Variants in GPC5 observed in about 807,000 individuals in gnomAD.
GPC5 encodes the protein glypican 5.
Under a neutral mutation model 53.9 loss-of-function variants are expected in GPC5, and 47 were observed. That is an observed-to-expected ratio of 0.87 (90% confidence interval 0.69 to 1.11). GPC5 has a LOEUF of 1.11. GPC5 is among the 50% of genes most tolerant of loss of function. The pLI is 0.00. For synonymous variants in GPC5, 286 were observed against 263.3 expected (o/e 1.09, Z -0.84); for missense variants, 748 against 713.1 (o/e 1.05, Z -0.56).
At chr13:91,805,063 A>C (rs1813966) in intron 5 of GPC5, among the ~76,000 whole-genome samples, 49,572 of 152,096 alleles carry the variant, frequency 0.33, 9,528 homozygotes, top group East Asian at 0.64. Flanking sequence ...ACCTTCACAC[A>C]TCTCCCCCTG....
intron 2 of GPC5, among the ~76,000 whole-genome samples, chr13:91,541,083 GC>G (rs1161721766): frequency 2.6e-5 from 4 of 152,000 alleles, no homozygotes; most frequent in Admixed American, 1.3e-4. Context: ...GTGTTTAAAT[GC>G]CTACAATTAA....
intron 5 of GPC5, among the ~76,000 whole-genome samples, chr13:91,790,205 G>A (rs1465413123): frequency 6.6e-6 from 1 of 152,022 alleles, no homozygotes; most frequent in Non-Finnish European, 1.5e-5. Context: ...TTTCATTGTG[G>A]TTTAATTTTC....
chr13:92,322,824 A>G (rs2043224936), intron 7 of GPC5, among the ~76,000 whole-genome samples: 1 of 152,094 alleles, frequency 6.6e-6, no homozygotes, highest in Admixed American at 6.6e-5. Context: ...TAATTATTTA[A>G]TTTGCCATCA....
intron 2 of GPC5, among the ~76,000 whole-genome samples, chr13:91,538,738 A>G (rs1346748127): frequency 6.6e-6 from 1 of 151,810 alleles, no homozygotes; most frequent in African/African-American, 2.4e-5. Context: ...GCCCGCCACG[A>G]CGCTGGGCTG....
At chr13:92,225,757 A>T (rs2042481161) in intron 7 of GPC5, among the ~76,000 whole-genome samples, 1 of 152,230 alleles carries the variant, frequency 6.6e-6, no homozygotes, top group African/African-American at 2.4e-5. Context: ...TTCCAAAAAA[A>T]AAATGCCCTT....
intron 7 of GPC5, among the ~76,000 whole-genome samples, chr13:92,177,536 T>C (rs912504198): frequency 6.6e-6 from 1 of 152,200 alleles, no homozygotes; most frequent in Admixed American, 6.5e-5. Context: ...TGCTCTTTTA[T>C]ATTCTAATAA....
chr13:91,403,311 A>G (rs1425594383), intron 1 of GPC5, among the ~76,000 whole-genome samples: 1 of 152,218 alleles, frequency 6.6e-6, no homozygotes, highest in Non-Finnish European at 1.5e-5. Context: ...ATTGCACACC[A>G]AAGGGACTCT....
At chr13:92,224,463 C>G (rs1019368659) in intron 7 of GPC5, among the ~76,000 whole-genome samples, 1 of 152,208 alleles carries the variant, frequency 6.6e-6, no homozygotes, top group South Asian at 2.1e-4. Context: ...AGGCCTGAGA[C>G]TGCTGTCCTC....
At chr13:91,484,513 A>T (rs201016641) in intron 2 of GPC5, among the ~76,000 whole-genome samples, 1 of 152,162 alleles carries the variant, frequency 6.6e-6, no homozygotes, top group African/African-American at 2.4e-5. Flanking sequence ...TTAAGTTTGC[A>T]ATAATTTAAG....
At chr13:92,317,011 T>C (rs1411662277) in intron 7 of GPC5, among the ~76,000 whole-genome samples, 1 of 151,366 alleles carries the variant, frequency 6.6e-6, no homozygotes, top group Non-Finnish European at 1.5e-5. Flanking sequence ...TATCTTAAAA[T>C]AAACTACAGA....
intron 6 of GPC5, chr13:91,996,301 T>C (rs2040503439): frequency 6.6e-6 from 1 of 152,244 alleles, no homozygotes; most frequent in African/African-American, 2.4e-5. Flanking sequence ...GGGTTCAAGG[T>C]CTGGTTGCAA....
chr13:91,953,970 T>G (rs1194149894), intron 6 of GPC5, among the ~76,000 whole-genome samples: 4 of 152,180 alleles, frequency 2.6e-5, no homozygotes, highest in African/African-American at 9.6e-5. Context: ...AAAGAATAAC[T>G]CTATGCCAAC....
chr13:91,473,906 C>G (rs868306745), intron 2 of GPC5, among the ~76,000 whole-genome samples: 13 of 152,262 alleles, frequency 8.5e-5, no homozygotes, highest in South Asian at 6.2e-4. Flanking sequence ...TTGAAGCAAG[C>G]TGTTATGATT....
In GPC5 at chr13:92,852,090, C is replaced by G. The variant is rs573916428; in HGVS notation, c.1562-14192C>G. ...AGGACAACAGGAAGTCCAGAGGCAT[C>G]AGGGCACTCAACCTGTATGCAGAGT... is the stretch of plus-strand genomic sequence containing the variant. On this transcript the variant is annotated intron_variant, in intron 7 of 7. Coordinates refer to ENST00000377067, the MANE Select transcript of GPC5 (RefSeq NM_004466.6). 4.6e-5 allele frequency among the ~76,000 whole-genome samples: 7 copies of G among 152,200 alleles called. No individual in the cohort carries two copies. In the South Asian group the frequency reaches 1.0e-3, roughly 23 times the overall value.
chr13:91,731,004 A>C (rs1373021424), intron 4 of GPC5, among the ~76,000 whole-genome samples: 1 of 152,210 alleles, frequency 6.6e-6, no homozygotes, highest in African/African-American at 2.4e-5. Flanking sequence ...TCCATATTTT[A>C]TTGTCAGCAT....
chr13:91,580,858 A>G (rs1215146735), intron 2 of GPC5, among the ~76,000 whole-genome samples: 3 of 152,206 alleles, frequency 2.0e-5, no homozygotes. Context: ...CACTCCTGTG[A>G]AGACATACCT....
intron 7 of GPC5, among the ~76,000 whole-genome samples, chr13:92,715,395 C>T (rs1242203624): frequency 6.6e-6 from 1 of 152,154 alleles, no homozygotes; most frequent in Non-Finnish European, 1.5e-5. Context: ...CTCCCTTTTC[C>T]AGCGTGAGCT....
intron 2 of GPC5, among the ~76,000 whole-genome samples, chr13:91,581,731 G>A (rs961144466): frequency 1.3e-5 from 2 of 152,070 alleles, no homozygotes; most frequent in African/African-American, 4.8e-5. Flanking sequence ...TTAAAACTCA[G>A]TGTAACGACT....
rs1380423049 is a variant in GPC5 at position 91,813,941 on chromosome 13, T to G, written c.1280+57521T>G. Among the ~76,000 whole-genome samples, 7 of 129,726 alleles carry G rather than the reference T, an allele frequency of 5.4e-5. No individual in the cohort carries two copies. In the South Asian group the frequency reaches 1.6e-3, roughly 30 times the overall value. The allele number at this position is 129,726 out of a possible 152,430, so 85.1% of individuals were successfully genotyped here. A position where few individuals can be genotyped will look rare whatever the true frequency, so the allele number is the denominator to read the frequency against. On this transcript the variant is annotated intron_variant, in intron 5 of 7. Coordinates refer to ENST00000377067, the MANE Select transcript of GPC5 (RefSeq NM_004466.6). ...ACTGATTTTTTTTTTTTTTTTTTTTTTTTTTTTTTGAGACAGAGTATTGCT... is the reference window on the plus strand; with the variant it reads ...ACTGATTTTTTTTTTTTTTTTTTTTGTTTTTTTTTGAGACAGAGTATTGCT...
Sources: allele counts gnomAD v4.1 joint callset (sites outside exome capture counted in the v4.1 genomes callset), GRCh38; gene constraint gnomAD v4.1.1; transcripts MANE v1.5; gene names NCBI Gene and HGNC (gene_info 2026-07-23, HGNC 2026-07-21).